DNAH9: variants seen among roughly 807,000 people sequenced by gnomAD.
DNAH9 encodes the protein dynein axonemal heavy chain 9.
In DNAH9, 345 loss-of-function variants were observed where a neutral mutation model predicts 471.6. The observed-to-expected ratio is 0.73, with a 90% confidence interval of 0.67 to 0.80. The LOEUF is 0.80. Among genes scored for constraint, DNAH9 ranks in the 30% least tolerant of loss-of-function variants. The pLI is 0.00. For missense variants in DNAH9, 5,407 were observed against 5,609.2 expected, an observed-to-expected ratio of 0.96 and a Z score of 1.15; for synonymous variants, 2,093 against 2,123.6, an observed-to-expected ratio of 0.99 and a Z score of 0.40.
At chr17:11,844,052 C>G (rs537964676) in intron 49 of DNAH9, among the ~76,000 whole-genome samples, 7 of 146,598 alleles carry the variant, frequency 4.8e-5, no homozygotes, top group South Asian at 2.2e-4. Context: ...AATAAATGGA[C>G]AAAACAGTAT....
chr17:11,752,876 T>A lies in DNAH9; in HGVS notation c.6654T>A (p.His2218Gln), dbSNP rs776478064. 6.2e-7 allele frequency: 1 copy of A among 1,609,968 alleles called. No individual in the cohort carries two copies. The highest frequency in any genetic ancestry group is 1.7e-5 in the Admixed American group (1 of 59,382). The change falls in exon 33 of 69, where the codon CAT becomes CAA. Residue 2218 changes from histidine to glutamine, a missense_variant. His to Gln is a conservative substitution (Grantham distance 24). Around this residue, in one of 3 missense-constraint regions of DNAH9, gnomAD observed 4,636 missense variants for 4,900.3 expected, o/e 0.95. Coordinates refer to ENST00000262442, the MANE Select transcript of DNAH9 (RefSeq NM_001372.4). The stretch of plus-strand genomic sequence containing the variant: ...TGCGGGAGCTTGCCAACATCACCCA[T>A]GATGGGCCCAAGTGGATTTTACTGG... The part of the protein sequence containing the change: ...SIMRELANIT[H>Q]DGPKWILLDG...
intron 22 of DNAH9, among the ~76,000 whole-genome samples, chr17:11,694,913 G>GTCTTTCTGTCTTTCTT (rs2074447382): frequency 1.1e-5 from 1 of 92,488 alleles, no homozygotes; most frequent in African/African-American, 4.4e-5. Context: ...TCTTTCAGAT[G>GTCTTTCTGTCTTTCTT]GATTCTTGCT....
intron 1 of DNAH9, 44 bp from the exon 2 acceptor site, chr17:11,608,085 G>C (rs762345399): frequency 5.5e-6 from 8 of 1,449,278 alleles, no homozygotes; most frequent in Admixed American, 2.1e-5. Context: ...TAAGTTCTCA[G>C]AATTGGAACA....
At chr17:11,643,426 A>G (rs2073316744) in intron 10 of DNAH9, among the ~76,000 whole-genome samples, 2 of 149,636 alleles carry the variant, frequency 1.3e-5, no homozygotes, top group East Asian at 1.9e-4. Context: ...GGGGAAACAT[A>G]TATTTAAATA....
chr17:11,750,453 C>A (rs955494498), intron 32 of DNAH9, among the ~76,000 whole-genome samples: 1 of 152,042 alleles, frequency 6.6e-6, no homozygotes, highest in Non-Finnish European at 1.5e-5. Flanking sequence ...AGTTATAGAA[C>A]TTTTTATCCC....
chr17:11,819,384 A>G (rs1970228395), intron 45 of DNAH9, among the ~76,000 whole-genome samples: 1 of 152,174 alleles, frequency 6.6e-6, no homozygotes. Flanking sequence ...GAATTATCTT[A>G]ACATAACTTA....
intron 22 of DNAH9, 125 bp from the exon 23 acceptor site, chr17:11,699,606 C>A: frequency 1.2e-6 from 1 of 802,940 alleles, no homozygotes. Context: ...AAACTTCCTT[C>A]TAAATGCTTG....
intron 45 of DNAH9, among the ~76,000 whole-genome samples, chr17:11,812,670 C>G (rs2322055): frequency 0.62 from 94,495 of 151,338 alleles, 29,764 homozygotes; most frequent in African/African-American, 0.68. Context: ...GCCTTGCACT[C>G]ATACCACCCT....
chr17:11,701,883 TGCTG>T (rs1157068434), intron 24 of DNAH9, among the ~76,000 whole-genome samples: 3 of 152,144 alleles, frequency 2.0e-5, no homozygotes, highest in African/African-American at 7.2e-5. Context: ...GGTTTCACCA[TGCTG>T]GCCAGGCTGG....
At chr17:11,730,640 G>A (rs1597557826) in intron 28 of DNAH9, among the ~76,000 whole-genome samples, 1 of 152,254 alleles carries the variant, frequency 6.6e-6, no homozygotes, top group East Asian at 1.9e-4. Context: ...ACCTCCTTGA[G>A]GCAGTTGTAA....
In DNAH9 at chr17:11,822,447, T is replaced by G; in HGVS notation, c.8860T>G (p.Cys2954Gly). The G allele has an allele frequency of 1.2e-6, 2 of 1,614,224 alleles. No individual in the cohort carries two copies. The highest frequency in any genetic ancestry group is 1.7e-6 in the Non-Finnish European group (2 of 1,180,034). Reference sequence around the variant, plus strand: ...CCTTCTGACTTCTCAGGTGACTCTCTGTTTCTCCCCTGTGGGAAACAAGCT... The same window carrying G: ...CCTTCTGACTTCTCAGGTGACTCTCGGTTTCTCCCCTGTGGGAAACAAGCT... ...RIRRQLKVTL[C>G]FSPVGNKLRV... The change falls in exon 47 of 69, where the codon TGT becomes GGT. Residue 2954 changes from cysteine (C) to glycine (G), a missense_variant. This residue lies in a region of DNAH9 where 4,636 missense variants were observed against 4,900.3 expected (regional missense o/e 0.95). Transcript: ENST00000262442.
At chr17:11,873,919 A>G (rs527956996) in intron 52 of DNAH9, among the ~76,000 whole-genome samples, 4 of 152,230 alleles carry the variant, frequency 2.6e-5, no homozygotes, top group African/African-American at 7.2e-5. Context: ...AAAAATATAT[A>G]TGGGTCATCA....
intron 14 of DNAH9, among the ~76,000 whole-genome samples, chr17:11,662,113 T>C (rs2073776407): frequency 6.6e-6 from 1 of 152,180 alleles, no homozygotes; most frequent in Non-Finnish European, 1.5e-5. Context: ...TTTGCTTTCT[T>C]TTGGAAGTTA....
chr17:11,689,386 A>G (rs2074294511), intron 19 of DNAH9, among the ~76,000 whole-genome samples, 180 bp from the exon 20 acceptor site: 1 of 151,032 alleles, frequency 6.6e-6, no homozygotes, highest in South Asian at 2.1e-4. Flanking sequence ...TTTTCCCAAA[A>G]GAAAATCCTG....
At chr17:11,618,280 G>A (rs763763380) in intron 5 of DNAH9, among the ~76,000 whole-genome samples, 4 of 152,160 alleles carry the variant, frequency 2.6e-5, no homozygotes, top group Non-Finnish European at 5.9e-5. Flanking sequence ...AAACCTTGAG[G>A]AGTGTATCTT....
chr17:11,816,477 A>G (rs1267798886), intron 45 of DNAH9, among the ~76,000 whole-genome samples: 1 of 152,234 alleles, frequency 6.6e-6, no homozygotes, highest in Admixed American at 6.5e-5. Flanking sequence ...TGTGCTTTGG[A>G]AAGTTTTCCA....
At chr17:11,944,634 C>T (rs1975051345) in intron 67 of DNAH9, among the ~76,000 whole-genome samples, 1 of 152,156 alleles carries the variant, frequency 6.6e-6, no homozygotes, top group South Asian at 2.1e-4. Flanking sequence ...GGAAGATAAA[C>T]AGAGAAATCT....
chr17:11,813,891 G>A (rs1597684521), intron 45 of DNAH9, among the ~76,000 whole-genome samples: 1 of 152,158 alleles, frequency 6.6e-6, no homozygotes, highest in African/African-American at 2.4e-5. Flanking sequence ...TATTAAATTA[G>A]GTTCCTGGTT....
chr17:11,806,611 A>T (rs929858541), intron 43 of DNAH9, among the ~76,000 whole-genome samples: 1 of 152,196 alleles, frequency 6.6e-6, no homozygotes, highest in African/African-American at 2.4e-5. Flanking sequence ...ACATGAACTC[A>T]ATTTTTAAAA....
Sources: gnomAD v4.1 joint callset for allele counts (sites outside exome capture counted in the v4.1 genomes callset) on GRCh38, gnomAD v4.1.1 for gene constraint, gnomAD v4.1.1 regional missense constraint, MANE v1.5 for transcripts, NCBI Gene and HGNC (gene_info 2026-07-23, HGNC 2026-07-21) for gene names.